The following HIVEP3 variants were observed in gnomAD, a reference collection of about 807,000 sequenced individuals.
The protein encoded by HIVEP3 is transcription factor HIVEP3.
A neutral mutation model predicts 152.8 loss-of-function variants in HIVEP3; 49 were observed. That is an observed-to-expected ratio of 0.32 (90% CI 0.26 to 0.41). The LOEUF (loss-of-function observed/expected upper bound fraction) is 0.41. Among genes scored for constraint, HIVEP3 ranks in the 10% least tolerant of loss-of-function variants. The pLI is 1.00. For synonymous variants in HIVEP3, 1,269 were observed against 1,289.0 expected (o/e 0.98, Z 0.33); for missense variants, 2,790 against 3,103.3 (o/e 0.90, Z 2.40).
chr1:41,603,820 G>C (rs999122325), intron 3 of HIVEP3, among the ~76,000 whole-genome samples: 8 of 152,170 alleles, frequency 5.3e-5, no homozygotes, highest in Non-Finnish European at 1.2e-4. Flanking sequence ...GGAATTTTTT[G>C]GCATTTATTT....
At chr1:41,992,097 G>A (rs1445757984) in intron 1 of HIVEP3, among the ~76,000 whole-genome samples, 1 of 144,834 alleles carries the variant, frequency 6.9e-6, no homozygotes, top group African/African-American at 2.6e-5. Context: ...ACAAGACAGG[G>A]ATGCCCTCTC....
chr1:41,556,339 T>C (rs1246208689), intron 5 of HIVEP3, among the ~76,000 whole-genome samples: 1 of 152,252 alleles, frequency 6.6e-6, no homozygotes. Context: ...TGAAGTAGTA[T>C]CTCATTGTAG....
At chr1:41,655,092 TC>T (rs201151777) in intron 2 of HIVEP3, among the ~76,000 whole-genome samples, 2,430 of 152,176 alleles carry the variant, frequency 0.016, 30 homozygotes, top group Non-Finnish European at 0.021. Context: ...ATACACTGTT[TC>T]CAAAGCAGGA....
chr1:41,565,238 G>A (rs1395415095), intron 5 of HIVEP3, among the ~76,000 whole-genome samples: 2 of 152,170 alleles, frequency 1.3e-5, no homozygotes, highest in Non-Finnish European at 2.9e-5. Flanking sequence ...GTGGCCGGAG[G>A]TGGAATGCGA....
chr1:41,585,170 G>A lies in HIVEP3; in HGVS notation c.-373C>T, dbSNP rs916851884. 4.5e-5 allele frequency: 18 copies of A among 397,802 alleles called. No homozygotes were observed. Among genetic ancestry groups the A allele is most frequent in the Admixed American group, 8.8e-5 (2 of 22,738 alleles). 24.6% of individuals were successfully genotyped at this position (397,802 alleles called of 1,614,324 possible). ...CGAGTCCCCCGTGTGCTATGCAAACGGTTGAAGGTTGGAGACATCTGTGTC... is the reference window on the plus strand; with the variant it reads ...CGAGTCCCCCGTGTGCTATGCAAACAGTTGAAGGTTGGAGACATCTGTGTC... On this transcript the variant is annotated 5_prime_UTR_variant, in exon 4 of 9. Transcript: ENST00000372583.
At chr1:41,691,494 G>C (rs944225704) in intron 2 of HIVEP3, among the ~76,000 whole-genome samples, 1 of 152,168 alleles carries the variant, frequency 6.6e-6, no homozygotes, top group African/African-American at 2.4e-5. Flanking sequence ...ATTAGGTTCT[G>C]GGGACAGAAT....
rs751862900 is a variant in HIVEP3, at chr1:41,583,462, C to T, written c.1336G>A (p.Glu446Lys). The stretch of plus-strand genomic sequence containing the variant: ...AAAGGCACCAGGCTGGGCTTGTCTT[C>T]GGTGGACAGGGGCAGGAGGGGCTGG... ...STQPLLPLST[E>K]DKPSLVPLSV... The change falls in exon 4 of 9, where the codon GAA becomes AAA. Residue 446 changes from glutamate (E) to lysine (K), a missense_variant. Glu to Lys is a moderately conservative substitution (Grantham distance 56). Around this residue, in one of 9 missense-constraint regions of HIVEP3, gnomAD observed 134 missense variants for 242.5 expected, o/e 0.55. Coordinates refer to ENST00000372583, the MANE Select transcript of HIVEP3 (RefSeq NM_024503.5). The surrounding 1 kb of genome is among the most constrained non-coding windows in gnomAD (Gnocchi z 6.9). 1.5e-5 allele frequency: 24 copies of T among 1,613,704 alleles called. No individual in the cohort carries two copies. The highest frequency in any genetic ancestry group is 5.0e-5 in the Admixed American group (3 of 59,972).
Position 41,510,759 on chromosome 1 carries a change from T to C in HIVEP3, c.6913A>G (p.Thr2305Ala), listed in dbSNP as rs1420652602. The C allele has an allele frequency of 3.8e-6, 6 of 1,592,616 alleles. No homozygotes were observed. The highest frequency in any genetic ancestry group is 5.1e-6 in the Non-Finnish European group (6 of 1,169,736). Residue 2305 changes from threonine to alanine, a missense_variant, in exon 9 of 9, where the codon ACG becomes GCG. Thr to Ala is a moderately conservative substitution (Grantham distance 58). This residue lies in a region of HIVEP3 where 816 missense variants were observed against 806.5 expected (regional missense o/e 1.01). Transcript: ENST00000372583. ...GTGAPAEPTPTHSPCTPPDTL... is the reference protein window; with the variant it reads ...GTGAPAEPTPAHSPCTPPDTL... ...TCGGGTGGGGTGCAGGGGCTGTGCG[T>C]GGGTGTGGGCTCTGCAGGTGCCCCG...
At chr1:41,806,695 G>T (rs920818954) in intron 1 of HIVEP3, among the ~76,000 whole-genome samples, 3 of 152,248 alleles carry the variant, frequency 2.0e-5, no homozygotes, top group African/African-American at 7.2e-5. Context: ...CCCCTCTGTG[G>T]CACTCCAGTG....
rs749749686 is a variant in HIVEP3, at chr1:41,581,195, G to C, written c.3603C>G (p.Gly1201=). Residue 1201 remains glycine (G), a synonymous_variant, in exon 4 of 9, where the codon GGC becomes GGG. Transcript: ENST00000372583. The surrounding 1 kb of genome is among the most constrained non-coding windows in gnomAD (Gnocchi z 4.5). ...GCATGAGCTGGGGGAGATGGAGTTG[G>C]CCTGGGTGCAGAACAGTAGGCTGGA... is the stretch of plus-strand genomic sequence containing the variant. The part of the protein sequence containing the change: ...LPLQPTVLHP[G]QLHLPQLMPH... 6.4e-6 allele frequency: 10 copies of C among 1,553,642 alleles called. No homozygotes were observed. In the Admixed American group the frequency reaches 1.5e-4, roughly 24 times the overall value.
At chr1:41,966,475 C>CTTTTTTTTTTTTTTTTTTTTTTT (rs58470482) in intron 1 of HIVEP3, among the ~76,000 whole-genome samples, 3 of 95,822 alleles carry the variant, frequency 3.1e-5, no homozygotes, top group Admixed American at 1.3e-4. Flanking sequence ...GTGCTGTATT[C>CTTTTTTTTTTTTTTTTTTTTTTT]TTTTTTTTTT....
At chr1:41,702,342 G>C (rs901153162) in intron 1 of HIVEP3, among the ~76,000 whole-genome samples, 1 of 152,094 alleles carries the variant, frequency 6.6e-6, no homozygotes, top group Non-Finnish European at 1.5e-5. Flanking sequence ...CCTTATAATA[G>C]AGTTATTTGT....
intron 1 of HIVEP3, among the ~76,000 whole-genome samples, chr1:41,930,536 G>A (rs530736703): frequency 6.6e-6 from 1 of 152,214 alleles, no homozygotes; most frequent in South Asian, 2.1e-4. Flanking sequence ...TCTCAGTTGT[G>A]TCCAGTTTGG....
In HIVEP3 at chr1:41,753,228, C is replaced by T. The variant is rs528948978; in HGVS notation, c.-800-52233G>A. On this transcript the variant is annotated intron_variant, in intron 1 of 8. Transcript: ENST00000372583. ...TGATACTGCCTTTCTGGAGAAATAC[C>T]TGTCAAAAGTGTTTTTTTAATGTGC... Among the ~76,000 whole-genome samples the T allele has an allele frequency of 3.9e-5, 6 of 152,238 alleles. No individual in the cohort carries two copies. In the South Asian group the frequency reaches 1.2e-3, roughly 32 times the overall value.
intron 1 of HIVEP3, among the ~76,000 whole-genome samples, chr1:41,822,936 T>C (rs570938141): frequency 6.6e-6 from 1 of 152,332 alleles, no homozygotes; most frequent in Admixed American, 6.5e-5. Flanking sequence ...TTCATGACGC[T>C]ATGGACTGAA....
Position 41,584,019 on chromosome 1 carries a change from G to A in HIVEP3, c.779C>T (p.Pro260Leu), listed in dbSNP as rs1558089426. ...GATCCGCTCCATCTCCAGCCCATGT[G>A]GGTACATCTCGCCACCCATGCCTGA... Reference protein sequence around the residue: ...LASGMGGEMYPHGLEMERIPG... With the variant: ...LASGMGGEMYLHGLEMERIPG... Residue 260 changes from proline (P) to leucine (L), a missense_variant, in exon 4 of 9, where the codon CCA (proline) becomes CTA (leucine). This residue lies in a region of HIVEP3 where 125 missense variants were observed against 130.1 expected (regional missense o/e 0.96). Coordinates refer to ENST00000372583, the MANE Select transcript of HIVEP3 (RefSeq NM_024503.5). This position sits in a 1 kb window ranked among gnomAD's most constrained non-coding sequence, Gnocchi z 5.2. The A allele has an allele frequency of 6.2e-7, 1 of 1,614,182 alleles. No individual in the cohort carries two copies. Among genetic ancestry groups the A allele is most frequent in the Non-Finnish European group, 8.5e-7 (1 of 1,180,032 alleles).
intron 2 of HIVEP3, among the ~76,000 whole-genome samples, chr1:41,685,587 C>A (rs1282449466): frequency 6.6e-6 from 1 of 152,214 alleles, no homozygotes; most frequent in East Asian, 1.9e-4. Context: ...CAACTCCCCA[C>A]GGGAAGAGAT....
intron 1 of HIVEP3, among the ~76,000 whole-genome samples, chr1:41,819,984 G>C (rs1178116111): frequency 1.3e-5 from 2 of 152,090 alleles, no homozygotes; most frequent in African/African-American, 4.8e-5. Context: ...AGCAGCCATA[G>C]ACAATAGCCA....
intron 2 of HIVEP3, among the ~76,000 whole-genome samples, chr1:41,689,115 T>C (rs1442894394): frequency 6.6e-6 from 1 of 152,272 alleles, no homozygotes; most frequent in Non-Finnish European, 1.5e-5. Context: ...GAACTGAGTC[T>C]TATTTATCTT....
Sources: allele counts gnomAD v4.1 joint callset (sites outside exome capture counted in the v4.1 genomes callset), GRCh38; gene constraint gnomAD v4.1.1; regional missense constraint gnomAD v4.1.1; non-coding constraint Gnocchi (gnomAD v3.1); transcripts MANE v1.5; gene names NCBI Gene and HGNC (gene_info 2026-07-23, HGNC 2026-07-21).